The following SPACA7 variants were observed in gnomAD, a reference collection of about 807,000 sequenced individuals.
SPACA7 encodes sperm acrosome-associated protein 7.
A neutral mutation model predicts 26.3 loss-of-function variants in SPACA7; 19 were observed. That is an observed-to-expected ratio of 0.72 (90% CI 0.50 to 1.06). The LOEUF is 1.06. Among genes scored for constraint, SPACA7 ranks in the 50% least tolerant of loss-of-function variants. The pLI is 0.00. For synonymous variants in SPACA7, 84 were observed against 84.5 expected (o/e 0.99, Z 0.04); for missense variants, 211 against 229.9 (o/e 0.92, Z 0.53).
In SPACA7 at chr13:112,398,071, T is replaced by C. The variant is rs1885396767; in HGVS notation, c.174T>C (p.Ile58=). The change falls in exon 3 of 7, where the codon ATT becomes ATC. Residue 58 remains isoleucine (I), a synonymous_variant. Transcript: ENST00000283550. ...ELLDEILVQE[I]LDLNKTTPSE... is the part of the protein sequence containing the mutation. The stretch of plus-strand genomic sequence containing the variant: ...AAGATGAAATTCTGGTCCAGGAGAT[T>C]TTAGATCTGAATAAAACAACACCGA... 1.9e-6 allele frequency: 3 copies of C among 1,613,210 alleles called. 1 individual carries two copies. Among genetic ancestry groups the C allele is most frequent in the South Asian group, 2.2e-5 (2 of 91,016 alleles).
At chr13:112,417,229 T>C (rs573009116) in intron 5 of SPACA7, among the ~76,000 whole-genome samples, 2 of 152,284 alleles carry the variant, frequency 1.3e-5, no homozygotes, top group Admixed American at 6.5e-5. Context: ...CCATAGTTAA[T>C]GCTGCTGTTG....
chr13:112,387,052 A>G (rs1044729677), intron 1 of SPACA7, among the ~76,000 whole-genome samples: 2 of 152,264 alleles, frequency 1.3e-5, no homozygotes, highest in African/African-American at 4.8e-5. Flanking sequence ...AACCAAGACT[A>G]GAACCCAGGC....
At chr13:112,419,151 C>CA (rs1344437842) in intron 5 of SPACA7, among the ~76,000 whole-genome samples, 2 of 152,066 alleles carry the variant, frequency 1.3e-5, no homozygotes, top group African/African-American at 4.8e-5. Context: ...AGGCAGAATT[C>CA]AAAAAAGAGG....
chr13:112,402,703 A>G (rs1350040119), intron 5 of SPACA7, among the ~76,000 whole-genome samples: 15 of 152,218 alleles, frequency 9.9e-5, no homozygotes, highest in Admixed American at 9.8e-4. Context: ...GAAAGCATCC[A>G]TCAACCATTT....
chr13:112,403,596 T>C (rs1373076932), intron 5 of SPACA7, among the ~76,000 whole-genome samples: 2 of 152,260 alleles, frequency 1.3e-5, no homozygotes, highest in South Asian at 4.1e-4. Context: ...TCCCCCAAGT[T>C]CCCAAAGTCC....
At chr13:112,410,324 C>T (rs1457383261) in intron 5 of SPACA7, among the ~76,000 whole-genome samples, 2 of 151,756 alleles carry the variant, frequency 1.3e-5, no homozygotes, top group Non-Finnish European at 2.9e-5. Flanking sequence ...ATGTAACAAA[C>T]CTGCATATTG....
At chr13:112,398,941 A>G in intron 3 of SPACA7, 125 bp from the exon 4 acceptor site, 1 of 666,184 alleles carries the variant, frequency 1.5e-6, no homozygotes, top group East Asian at 2.7e-5. Flanking sequence ...ACATTTCCAC[A>G]TAGAGCTTGC....
At chr13:112,391,654 A>G (rs116257279) in intron 1 of SPACA7, among the ~76,000 whole-genome samples, 2,630 of 152,334 alleles carry the variant, frequency 0.017, 72 homozygotes, top group African/African-American at 0.06. Flanking sequence ...TTGACAATGC[A>G]CTTTAAAAAC....
At chr13:112,416,804 T>TTGTGTGTG (rs148795567) in intron 5 of SPACA7, among the ~76,000 whole-genome samples, 3,148 of 147,898 alleles carry the variant, frequency 0.021, 68 homozygotes, top group African/African-American at 0.051. Flanking sequence ...TGATTATGAG[T>TTGTGTGTG]TGTGTGTGTG....
At chr13:112,401,922 T>C (rs964882944) in intron 5 of SPACA7, among the ~76,000 whole-genome samples, 12 of 152,252 alleles carry the variant, frequency 7.9e-5, no homozygotes, top group Admixed American at 1.3e-4. Context: ...GTCTGGGCCA[T>C]GCAGCACAGT....
intron 2 of SPACA7, among the ~76,000 whole-genome samples, chr13:112,397,067 T>C (rs1927679): frequency 0.64 from 97,022 of 152,116 alleles, 31,436 homozygotes; most frequent in African/African-American, 0.75. Context: ...GCTCTGTGAG[T>C]GAGAAAGAGG....
chr13:112,396,752 A>G (rs367693845), intron 2 of SPACA7, among the ~76,000 whole-genome samples: 1 of 152,116 alleles, frequency 6.6e-6, no homozygotes. Flanking sequence ...ATCCTGGGGC[A>G]CCCGCGGCTA....
rs773085827 is a variant in SPACA7, at chr13:112,401,027, T to G, written c.350-42T>G. ...GACCAAAGTGCTTATAAGTGTGTAA[T>G]CAAGGACATTTTCCCCATTTTTTCC... On this transcript the variant is annotated intron_variant, in intron 4 of 6. Coordinates refer to ENST00000283550, the MANE Select transcript of SPACA7 (RefSeq NM_145248.5). 2.1e-6 allele frequency: 3 copies of G among 1,451,430 alleles called. No individual in the cohort carries two copies. The Admixed American group carries it at 5.0e-5, about 24-fold the overall frequency. 89.9% of individuals were successfully genotyped at this position (1,451,430 alleles called of 1,614,324 possible).
intron 6 of SPACA7, among the ~76,000 whole-genome samples, chr13:112,434,231 G>T (rs531030401): frequency 1.3e-5 from 2 of 152,164 alleles, no homozygotes; most frequent in Non-Finnish European, 2.9e-5. Context: ...TGGAGTTGTC[G>T]ATGGGTTTTG....
At chr13:112,379,433 A>T (rs1883901687) in intron 1 of SPACA7, among the ~76,000 whole-genome samples, 1 of 152,218 alleles carries the variant, frequency 6.6e-6, no homozygotes, top group Admixed American at 6.5e-5. Context: ...TAAAAATCTG[A>T]TGAGAGTTCA....
In SPACA7 at chr13:112,398,942, T is replaced by C. The variant is rs201453999; in HGVS notation, c.242-124T>C. The C allele has an allele frequency of 3.0e-4, 202 of 667,212 alleles. No individual in the cohort carries two copies. The East Asian group carries it at 5.4e-3, about 18-fold the overall frequency. 41.3% of individuals were successfully genotyped at this position (667,212 alleles called of 1,614,324 possible). A position where few individuals can be genotyped will look rare whatever the true frequency, so the allele number is the denominator to read the frequency against. ...TCACTTACCAACGCACATTTCCACATAGAGCTTGCAAACTGTATTAACATC... is the reference window on the plus strand; with the variant it reads ...TCACTTACCAACGCACATTTCCACACAGAGCTTGCAAACTGTATTAACATC... On this transcript the variant is annotated intron_variant, in intron 3 of 6. Coordinates refer to ENST00000283550, the MANE Select transcript of SPACA7 (RefSeq NM_145248.5).
intron 5 of SPACA7, among the ~76,000 whole-genome samples, chr13:112,412,623 AT>A (rs1886421866): frequency 6.7e-6 from 1 of 150,250 alleles, no homozygotes; most frequent in Non-Finnish European, 1.5e-5. Flanking sequence ...TTTTGAGTTG[AT>A]TTTTGTATAT....
rs1885877067 is a variant in SPACA7, at chr13:112,404,918, A to G, written c.445+3754A>G. Among the ~76,000 whole-genome samples, 3 of 150,208 alleles carry G rather than the reference A, an allele frequency of 2.0e-5. No homozygotes were observed. In the South Asian group the frequency reaches 6.3e-4, roughly 32 times the overall value. ...TATGCAAGCTCTTTTTTCATTCCAT[A>G]TAAATTTTAAGACAAAATCCAGTGT... is the stretch of plus-strand genomic sequence containing the variant. On this transcript the variant is annotated intron_variant, in intron 5 of 6. Transcript: ENST00000283550.
At chr13:112,404,175 G>A (rs1010145765) in intron 5 of SPACA7, among the ~76,000 whole-genome samples, 5 of 152,200 alleles carry the variant, frequency 3.3e-5, no homozygotes, top group African/African-American at 1.2e-4. Flanking sequence ...CTGATCATTA[G>A]TGATGTTCAG....
Sources: gnomAD v4.1 joint callset for allele counts (sites outside exome capture counted in the v4.1 genomes callset) on GRCh38, gnomAD v4.1.1 for gene constraint, MANE v1.5 for transcripts, NCBI Gene and HGNC (gene_info 2026-07-23, HGNC 2026-07-21) for gene names.